ETV7: variants seen among roughly 807,000 people sequenced by gnomAD.
ETV7 encodes transcription factor ETV7.
Under a neutral mutation model 39.1 loss-of-function variants are expected in ETV7, and 43 were observed. The ratio of observed to expected loss-of-function variants is 1.10; its 90% CI spans 0.86 to 1.42. The LOEUF is 1.42. Ranked by LOEUF, ETV7 falls within the 40% of genes most tolerant of loss-of-function variation. The pLI is 0.00. For synonymous variants in ETV7, 196 were observed against 176.6 expected (o/e 1.11, Z -0.87); for missense variants, 432 against 442.3 (o/e 0.98, Z 0.21).
chr6:36,387,470 T>C, intron 1 of ETV7, 66 bp downstream of exon 1: 1 of 1,608,760 alleles, frequency 6.2e-7, no homozygotes, highest in Non-Finnish European at 8.5e-7. Flanking sequence ...ATCTAGGTGG[T>C]GAGGAAAGGA....
chr6:36,377,263 C>G (rs1181076079), intron 2 of ETV7, among the ~76,000 whole-genome samples: 1 of 152,138 alleles, frequency 6.6e-6, no homozygotes, highest in East Asian at 1.9e-4. Flanking sequence ...GAGTTTGAGA[C>G]CAGCCTGAGC....
In ETV7 at chr6:36,373,310, C is replaced by G. The variant is rs1011129912; in HGVS notation, c.433+143G>C. 1.4e-4 allele frequency: 134 copies of G among 981,750 alleles called. 2 individuals are homozygous for G. The highest frequency in any genetic ancestry group is 6.8e-4 in the Middle Eastern group (2 of 2,928). The allele number at this position is 981,750 out of a possible 1,614,324, so 60.8% of individuals were successfully genotyped here. A position where few individuals can be genotyped will look rare whatever the true frequency, so the allele number is the denominator to read the frequency against. The stretch of plus-strand genomic sequence containing the variant: ...AGAGGAAGGGCGGCCAGGAACGCCC[C>G]AGAGCAGGAGGTGGGGGTGGGGCGG... On this transcript the variant is annotated intron_variant, in intron 4 of 7. Coordinates refer to ENST00000340181, the MANE Select transcript of ETV7 (RefSeq NM_016135.4).
At chr6:36,364,566 T>G (rs1356811572), downstream of ETV7, among the ~76,000 whole-genome samples, 1 of 152,360 alleles carries the variant, frequency 6.6e-6, no homozygotes, top group East Asian at 1.9e-4. Context: ...AAAGTTCAGC[T>G]GGCCCGCAAG....
Position 36,366,350 on chromosome 6 carries a change from G to C in ETV7, c.*295C>G. ...CTTCATCTGGTAAATTCCATTTACA[G>C]GGGTGGGGCTGGGTGCTCTATCGGT... On this transcript the variant is annotated 3_prime_UTR_variant, in exon 8 of 8. Transcript: ENST00000340181. 8.3e-7 allele frequency: 1 copy of C among 1,211,870 alleles called. No homozygotes were observed. Among genetic ancestry groups the C allele is most frequent in the Non-Finnish European group, 1.0e-6 (1 of 967,908 alleles). The allele number at this position is 1,211,870 out of a possible 1,614,324, so 75.1% of individuals were successfully genotyped here. A position where few individuals can be genotyped will look rare whatever the true frequency, so the allele number is the denominator to read the frequency against.
intron 7 of ETV7, among the ~76,000 whole-genome samples, chr6:36,359,750 A>G (rs1021380129): frequency 3.3e-5 from 5 of 152,268 alleles, no homozygotes; most frequent in African/African-American, 1.2e-4. Context: ...TGAATGTTAA[A>G]TAAATGAATG....
chr6:36,355,552 C>T (rs1772316173), intron 7 of ETV7, among the ~76,000 whole-genome samples: 1 of 152,230 alleles, frequency 6.6e-6, no homozygotes, highest in South Asian at 2.1e-4. Flanking sequence ...TCTGGGATTA[C>T]AGGCATGCGC....
At chr6:36,382,568 C>T (rs149427776) in intron 2 of ETV7, among the ~76,000 whole-genome samples, 4 of 152,132 alleles carry the variant, frequency 2.6e-5, no homozygotes, top group African/African-American at 9.7e-5. Flanking sequence ...CAACTGTTAG[C>T]GCTGATCTAT....
chr6:36,362,795 T>C (rs1209757111), downstream of ETV7, among the ~76,000 whole-genome samples: 2 of 152,204 alleles, frequency 1.3e-5, no homozygotes, highest in Non-Finnish European at 2.9e-5. Flanking sequence ...GCCATGATGG[T>C]CTCAGTGCTG....
chr6:36,371,043 TAA>T (rs1304276823), intron 5 of ETV7, among the ~76,000 whole-genome samples: 1 of 152,138 alleles, frequency 6.6e-6, no homozygotes, highest in African/African-American at 2.4e-5. Context: ...TTAAAACAGA[TAA>T]AGTTTTAAAA....
chr6:36,385,788 G>A (rs990340627), intron 1 of ETV7, 119 bp from the exon 2 acceptor site: 13 of 1,071,848 alleles, frequency 1.2e-5, no homozygotes, highest in Middle Eastern at 5.9e-4. Flanking sequence ...CCAGAAGACT[G>A]CATCAACCTT....
At chr6:36,362,922 A>G (rs966379322), downstream of ETV7, among the ~76,000 whole-genome samples, 1 of 152,224 alleles carries the variant, frequency 6.6e-6, no homozygotes, top group Admixed American at 6.5e-5. Context: ...CTAGGAATCC[A>G]TCCTCCTGCT....
At chr6:36,364,287 G>C (rs1163778524), downstream of ETV7, among the ~76,000 whole-genome samples, 1 of 152,246 alleles carries the variant, frequency 6.6e-6, no homozygotes, top group African/African-American at 2.4e-5. Context: ...AGGGGGTGGC[G>C]CTCGTCGGGG....
rs527602476 is a variant in ETV7, at chr6:36,371,494, A to G, written c.500T>C (p.Leu167Pro). Residue 167 changes from leucine to proline, a missense_variant, in exon 5 of 8, where the codon CTT becomes CCT. Transcript: ENST00000340181. The part of the protein sequence containing the change: ...GHLLQPPDPG[L>P]TSNFGHLDDP... ...ATCCAGGTGGCCGAAGTTGCTGGTAAGCCCTGGGTCTGGTGGCTGCAGCAG... is the reference window on the plus strand; with the variant it reads ...ATCCAGGTGGCCGAAGTTGCTGGTAGGCCCTGGGTCTGGTGGCTGCAGCAG... 5.0e-6 allele frequency: 8 copies of G among 1,606,122 alleles called. No individual in the cohort carries two copies. In the South Asian group the frequency reaches 9.0e-5, roughly 18 times the overall value.
At chr6:36,363,596 G>C (rs1011179687), downstream of ETV7, among the ~76,000 whole-genome samples, 1 of 152,372 alleles carries the variant, frequency 6.6e-6, no homozygotes, top group Non-Finnish European at 1.5e-5. Context: ...AGCTCCCACG[G>C]TGTCAAAGGG....
At chr6:36,362,689 G>A (rs1450771144), downstream of ETV7, among the ~76,000 whole-genome samples, 5 of 152,332 alleles carry the variant, frequency 3.3e-5, no homozygotes, top group South Asian at 8.3e-4. Context: ...CTGGGGAGAT[G>A]GAGAAAAGGT....
At chr6:36,375,820 C>A in intron 3 of ETV7, 51 bp downstream of exon 3, 1 of 1,612,090 alleles carries the variant, frequency 6.2e-7, no homozygotes, top group South Asian at 1.1e-5. Flanking sequence ...CTTGGGCCAT[C>A]CTGGCCTACC....
chr6:36,369,009 T>C lies in ETV7; in HGVS notation c.727A>G (p.Ile243Val). The C allele has an allele frequency of 6.2e-7, 1 of 1,614,192 alleles. No individual in the cohort carries two copies. Among genetic ancestry groups the C allele is most frequent in the Non-Finnish European group, 8.5e-7 (1 of 1,180,040 alleles). ...LLLDTRYEPY[I>V]KWEDKDAKIF... is the part of the protein sequence containing the mutation. ...TTGGCGTCCTTGTCTTCCCACTTGA[T>C]GTAGGGCTCATATCGGGTATCAAGG... Residue 243 changes from isoleucine (I) to valine (V), a missense_variant, in exon 6 of 8, where the codon ATC becomes GTC. Coordinates refer to ENST00000340181, the MANE Select transcript of ETV7 (RefSeq NM_016135.4).
In ETV7 at chr6:36,385,593, C is replaced by T. The variant is rs1773857368; in HGVS notation, c.83G>A (p.Cys28Tyr). 2 of 1,614,238 alleles carry T rather than the reference C, an allele frequency of 1.2e-6. No individual in the cohort carries two copies. Among genetic ancestry groups the T allele is most frequent in the Non-Finnish European group, 1.7e-6 (2 of 1,180,040 alleles). ...PPLGTHVQAR[C>Y]EAQINLLGEG... ...ACCCAGCAGGTTAATTTGAGCTTCACATCTGGCTTGCACGTGGGTGCCTAG... is the reference window on the plus strand; with the variant it reads ...ACCCAGCAGGTTAATTTGAGCTTCATATCTGGCTTGCACGTGGGTGCCTAG... The change falls in exon 2 of 8, where the codon TGT becomes TAT. Residue 28 changes from cysteine (C) to tyrosine (Y), a missense_variant. Cys to Tyr is a radical substitution (Grantham distance 194). Transcript: ENST00000340181.
At chr6:36,379,875 C>CA (rs75859733) in intron 2 of ETV7, among the ~76,000 whole-genome samples, 341 of 85,724 alleles carry the variant, frequency 4.0e-3, no homozygotes, top group East Asian at 0.023. Context: ...GACGCCATCT[C>CA]AAAAAAAAAA....
Sources: gnomAD v4.1 joint callset for allele counts (sites outside exome capture counted in the v4.1 genomes callset) on GRCh38, gnomAD v4.1.1 for gene constraint, MANE v1.5 for transcripts, NCBI Gene and HGNC (gene_info 2026-07-23, HGNC 2026-07-21) for gene names.